Variants in PEBP4 observed in about 807,000 individuals in gnomAD.
The protein encoded by PEBP4 is phosphatidylethanolamine binding protein 4, also known as phosphatidylethanolamine-binding protein 4.
In PEBP4, 22 loss-of-function variants were observed where a neutral mutation model predicts 23.9. That is an observed-to-expected ratio of 0.92 (90% CI 0.66 to 1.31). The LOEUF is 1.31. Ranked by LOEUF, PEBP4 falls within the 40% of genes most tolerant of loss-of-function variation. PEBP4 has a pLI of 0.00. For missense variants in PEBP4, 324 were observed against 281.7 expected, an observed-to-expected ratio of 1.15 and a Z score of -1.07; for synonymous variants, 112 against 99.3, an observed-to-expected ratio of 1.13 and a Z score of -0.76.
At chr8:22,747,493 T>G (rs1467050062) in intron 4 of PEBP4, 1 of 152,132 alleles carries the variant, frequency 6.6e-6, no homozygotes, top group Non-Finnish European at 1.5e-5. Context: ...GATGATTTAT[T>G]GCAAGCCTCA....
At chr8:22,820,352 C>A (rs1472426592) in intron 3 of PEBP4, among the ~76,000 whole-genome samples, 1 of 151,988 alleles carries the variant, frequency 6.6e-6, no homozygotes, top group Non-Finnish European at 1.5e-5. Context: ...GTGTGGAATA[C>A]GTGGTAGTTG....
At chr8:22,899,218 T>C (rs1231405306) in intron 3 of PEBP4, among the ~76,000 whole-genome samples, 1 of 152,172 alleles carries the variant, frequency 6.6e-6, no homozygotes, top group African/African-American at 2.4e-5. Flanking sequence ...AGGTAGAAAA[T>C]CTGCCCTATG....
chr8:22,840,696 G>A (rs11986200), intron 3 of PEBP4, among the ~76,000 whole-genome samples: 66,010 of 151,968 alleles, frequency 0.43, 15,209 homozygotes, highest in South Asian at 0.69. Flanking sequence ...CAGTTGCTTG[G>A]GAGAATGTCT....
intron 3 of PEBP4, among the ~76,000 whole-genome samples, chr8:22,917,020 TG>T (rs1172855794): frequency 7.0e-6 from 1 of 142,104 alleles, no homozygotes; most frequent in East Asian, 2.1e-4. Flanking sequence ...ACGCCAAGGA[TG>T]GGGAAGTGGC....
chr8:22,785,633 A>G (rs1481793564), intron 4 of PEBP4, among the ~76,000 whole-genome samples: 1 of 152,124 alleles, frequency 6.6e-6, no homozygotes, highest in East Asian at 1.9e-4. Context: ...AAGGAGTCAG[A>G]TGGGCTCTGC....
chr8:22,938,603 G>T (rs1018992839), intron 1 of PEBP4, among the ~76,000 whole-genome samples: 1 of 152,174 alleles, frequency 6.6e-6, no homozygotes, highest in African/African-American at 2.4e-5. Context: ...CCAGTACAGT[G>T]CCTGGGACCA....
chr8:22,791,568 G>A (rs1806141401), intron 4 of PEBP4, among the ~76,000 whole-genome samples: 1 of 151,908 alleles, frequency 6.6e-6, no homozygotes, highest in Non-Finnish European at 1.5e-5. Flanking sequence ...GTGCTTGTGT[G>A]TGCGCGCACA....
At chr8:22,924,610 A>G in intron 2 of PEBP4, 2 of 964,038 alleles carry the variant, frequency 2.1e-6, no homozygotes, top group South Asian at 9.6e-5. Flanking sequence ...GTAAGAATGT[A>G]CTTTCTGAAG....
chr8:22,824,623 A>T (rs781731283), intron 3 of PEBP4, among the ~76,000 whole-genome samples: 20 of 152,304 alleles, frequency 1.3e-4, no homozygotes, highest in Non-Finnish European at 2.8e-4. Context: ...GAATCGGTGA[A>T]CACCCTGAGC....
chr8:22,850,797 C>T (rs1387074120), intron 3 of PEBP4, among the ~76,000 whole-genome samples: 4 of 152,204 alleles, frequency 2.6e-5, no homozygotes, highest in Non-Finnish European at 5.9e-5. Context: ...TTACTAACAG[C>T]CACAGCCTCT....
In PEBP4 at chr8:22,927,851, G is replaced by A. The variant is rs1351945505; in HGVS notation, c.-35C>T. Reference sequence around the variant, plus strand: ...TGGTTAAGCACAGGGAGAAGGACAGGCAGCTTCCAGGGCTCCGCAGCTAAT... The same window carrying A: ...TGGTTAAGCACAGGGAGAAGGACAGACAGCTTCCAGGGCTCCGCAGCTAAT... On this transcript the variant is annotated 5_prime_UTR_variant, in exon 1 of 7. Transcript: ENST00000256404. The A allele has an allele frequency of 2.8e-6, 3 of 1,067,348 alleles. No homozygotes were observed. The highest frequency in any genetic ancestry group is 4.0e-6 in the Non-Finnish European group (3 of 748,634). The allele number at this position is 1,067,348 out of a possible 1,614,324, so 66.1% of individuals were successfully genotyped here. A position where few individuals can be genotyped will look rare whatever the true frequency, so the allele number is the denominator to read the frequency against.
At chr8:22,837,677 G>C (rs1400043620) in intron 3 of PEBP4, among the ~76,000 whole-genome samples, 1 of 151,988 alleles carries the variant, frequency 6.6e-6, no homozygotes, top group Non-Finnish European at 1.5e-5. Context: ...TATTTGTGTA[G>C]TCTCTCTGCC....
chr8:22,897,192 C>T (rs1352672832), intron 3 of PEBP4, among the ~76,000 whole-genome samples: 7 of 152,138 alleles, frequency 4.6e-5, no homozygotes, highest in Non-Finnish European at 8.8e-5. Context: ...CCCTTTTCTT[C>T]TCCTCCTCTT....
In PEBP4 at chr8:22,865,812, A is replaced by G. The variant is rs987445389; in HGVS notation, c.259-48077T>C. 6.6e-6 allele frequency among the ~76,000 whole-genome samples: 1 copy of G among 152,160 alleles called. No individual in the cohort carries two copies. The highest frequency in any genetic ancestry group is 6.5e-5 in the Admixed American group (1 of 15,290). On this transcript the variant is annotated intron_variant, in intron 3 of 6. Transcript: ENST00000256404. The surrounding 1 kb of genome is among the most constrained non-coding windows in gnomAD (Gnocchi z 6.9). ...CCCGGGGGCGCGAGCGGCGGCGCCTAGAGGGACCCCCACCCCGGGCTCGAA... is the reference window on the plus strand; with the variant it reads ...CCCGGGGGCGCGAGCGGCGGCGCCTGGAGGGACCCCCACCCCGGGCTCGAA...
intron 3 of PEBP4, among the ~76,000 whole-genome samples, chr8:22,912,362 G>A (rs759075776): frequency 9.2e-5 from 14 of 152,194 alleles, no homozygotes; most frequent in Non-Finnish European, 1.9e-4. Context: ...CTGGCAGAGG[G>A]GCAGAGAGTG....
intron 4 of PEBP4, among the ~76,000 whole-genome samples, chr8:22,792,373 T>G (rs139081115): frequency 6.6e-6 from 1 of 152,236 alleles, no homozygotes; most frequent in African/African-American, 2.4e-5. Context: ...TTCCCGGTGC[T>G]TCTAAGGTGG....
Position 22,865,458 on chromosome 8 carries a change from C to G in PEBP4, c.259-47723G>C, listed in dbSNP as rs748280416. On this transcript the variant is annotated intron_variant, in intron 3 of 6. Coordinates refer to ENST00000256404, the MANE Select transcript of PEBP4 (RefSeq NM_144962.3). The surrounding 1 kb of genome is among the most constrained non-coding windows in gnomAD (Gnocchi z 6.9). ...CGTTGGGCGGGGGCCGCACTTTCCCCGCCGCGAGGTGGAGCGCGCCACCGC... is the reference window on the plus strand; with the variant it reads ...CGTTGGGCGGGGGCCGCACTTTCCCGGCCGCGAGGTGGAGCGCGCCACCGC... Among the ~76,000 whole-genome samples, 5 of 151,976 alleles carry G rather than the reference C, an allele frequency of 3.3e-5. No individual in the cohort carries two copies. The South Asian group carries it at 6.2e-4, about 19-fold the overall frequency.
upstream of PEBP4, among the ~76,000 whole-genome samples, chr8:22,928,496 G>A (rs565520701): frequency 3.1e-4 from 47 of 152,304 alleles, no homozygotes; most frequent in African/African-American, 1.1e-3. Flanking sequence ...GAAAGGGGTG[G>A]CCTGCCCCAG....
At chr8:22,728,927 T>C (rs759472377) in intron 4 of PEBP4, among the ~76,000 whole-genome samples, 5 of 152,164 alleles carry the variant, frequency 3.3e-5, no homozygotes, top group African/African-American at 4.8e-5. Flanking sequence ...TTCCTTCTAC[T>C]CTCCCTGATC....
Sources: gnomAD v4.1 joint callset for allele counts (sites outside exome capture counted in the v4.1 genomes callset) on GRCh38, gnomAD v4.1.1 for gene constraint, Gnocchi (gnomAD v3.1) non-coding constraint, MANE v1.5 for transcripts, NCBI Gene and HGNC (gene_info 2026-07-23, HGNC 2026-07-21) for gene names.